Variants in PBX1 observed in about 807,000 individuals in gnomAD.
PBX1 encodes PBX homeobox 1.
In PBX1, 6 loss-of-function variants were observed where a neutral mutation model predicts 53.4. That is an observed-to-expected ratio of 0.11 (90% CI 0.06 to 0.22). The LOEUF (loss-of-function observed/expected upper bound fraction) is 0.22. PBX1 is among the 10% of genes least tolerant of loss of function. The pLI is 1.00. For missense variants in PBX1, 251 were observed against 551.4 expected (o/e 0.46, Z 5.46); for synonymous variants, 204 against 212.3 (o/e 0.96, Z 0.34).
intron 2 of PBX1, among the ~76,000 whole-genome samples, chr1:164,873,574 A>G (rs1048212832): frequency 3.3e-5 from 5 of 152,118 alleles, no homozygotes; most frequent in Admixed American, 6.5e-5. Context: ...GAGCCTTCTT[A>G]TTTAACTTAT....
chr1:164,598,917 T>C (rs952539464), intron 2 of PBX1, among the ~76,000 whole-genome samples: 4 of 152,184 alleles, frequency 2.6e-5, no homozygotes, highest in Non-Finnish European at 5.9e-5. Flanking sequence ...AGAGGCTCAG[T>C]TGCCCCAGGT....
At chr1:164,689,775 T>G (rs752867828) in intron 2 of PBX1, among the ~76,000 whole-genome samples, 2 of 152,142 alleles carry the variant, frequency 1.3e-5, no homozygotes, top group Non-Finnish European at 2.9e-5. Flanking sequence ...TTGGCTCTCT[T>G]TGGTGTTTTC....
rs138361401 is a variant in PBX1, at chr1:164,561,384, T to C, written c.191+1371T>C. On this transcript the variant is annotated intron_variant, in intron 1 of 8. Coordinates refer to ENST00000420696, the MANE Select transcript of PBX1 (RefSeq NM_002585.4). The stretch of plus-strand genomic sequence containing the variant: ...AAAAGTACTAAGGTTTACGGGTGTT[T>C]GAAAACTTGGAAATGTTGAAAGACT... 6.3e-3 allele frequency among the ~76,000 whole-genome samples: 954 copies of C among 152,346 alleles called. 17 individuals are homozygous for C. The highest frequency in any genetic ancestry group is 0.022 in the African/African-American group (905 of 41,582).
intron 2 of PBX1, among the ~76,000 whole-genome samples, chr1:164,677,985 T>C (rs1661535537): frequency 6.6e-6 from 1 of 152,136 alleles, no homozygotes; most frequent in Admixed American, 6.5e-5. Context: ...TTAAAGAAAA[T>C]GTATGGGTAG....
intron 2 of PBX1, among the ~76,000 whole-genome samples, chr1:164,727,102 C>T (rs558528393): frequency 1.3e-5 from 2 of 151,314 alleles, no homozygotes; most frequent in Non-Finnish European, 2.9e-5. Context: ...TATTAAGTTA[C>T]ACACCCCTAG....
intron 2 of PBX1, among the ~76,000 whole-genome samples, chr1:164,792,255 T>C (rs1668551632): frequency 6.6e-6 from 1 of 152,184 alleles, no homozygotes; most frequent in African/African-American, 2.4e-5. Context: ...CTGCCTCTTA[T>C]AAATTTGATT....
chr1:164,569,040 T>G (rs1653642520), intron 2 of PBX1, among the ~76,000 whole-genome samples: 1 of 152,244 alleles, frequency 6.6e-6, no homozygotes, highest in African/African-American at 2.4e-5. Context: ...CAACTGCATC[T>G]TCTACTGAAA....
chr1:164,585,217 T>C (rs1193975760), intron 2 of PBX1, among the ~76,000 whole-genome samples: 1 of 151,694 alleles, frequency 6.6e-6, no homozygotes, highest in Non-Finnish European at 1.5e-5. Context: ...TGGGGAAGAG[T>C]GAAAGAAGAA....
At chr1:164,842,343 C>T (rs1194708232) in intron 8 of PBX1, among the ~76,000 whole-genome samples, 1 of 152,210 alleles carries the variant, frequency 6.6e-6, no homozygotes, top group African/African-American at 2.4e-5. Context: ...CCTCCTCAGA[C>T]AGGCATGTTT....
chr1:164,659,694 A>G (rs1415225380), intron 2 of PBX1, among the ~76,000 whole-genome samples: 1 of 152,164 alleles, frequency 6.6e-6, no homozygotes, highest in Non-Finnish European at 1.5e-5. Context: ...AGCTTAAGCA[A>G]GAGCACTAAG....
intron 2 of PBX1, among the ~76,000 whole-genome samples, chr1:164,869,825 A>C (rs1672306761): frequency 6.6e-6 from 1 of 152,212 alleles, no homozygotes; most frequent in Non-Finnish European, 1.5e-5. Context: ...AAGACCTAAA[A>C]GAGGTGAGGC....
intron 2 of PBX1, among the ~76,000 whole-genome samples, chr1:164,653,238 T>A (rs1433938636): frequency 6.6e-6 from 1 of 152,162 alleles, no homozygotes; most frequent in Non-Finnish European, 1.5e-5. Flanking sequence ...ATCACACTGT[T>A]TCTTGAGATT....
chr1:164,797,862 C>T (rs1401756642), intron 3 of PBX1, among the ~76,000 whole-genome samples: 3 of 152,172 alleles, frequency 2.0e-5, no homozygotes, highest in Non-Finnish European at 4.4e-5. Flanking sequence ...GGCACAGATA[C>T]GTTAAGTAAC....
chr1:164,703,020 A>G (rs1293423225), intron 2 of PBX1: 1 of 152,132 alleles, frequency 6.6e-6, no homozygotes, highest in Non-Finnish European at 1.5e-5. Context: ...TATTAAAAAA[A>G]AAGAGAGAGA....
At chr1:164,573,186 C>T (rs1309609859) in intron 2 of PBX1, among the ~76,000 whole-genome samples, 1 of 151,958 alleles carries the variant, frequency 6.6e-6, no homozygotes, top group African/African-American at 2.4e-5. Flanking sequence ...ATCTAAAAAT[C>T]TTTCAACATG....
chr1:164,821,574 G>A lies in PBX1; in HGVS notation c.1148G>A (p.Gly383Glu). 1 of 1,614,084 alleles carries A rather than the reference G, an allele frequency of 6.2e-7. No homozygotes were observed. Among genetic ancestry groups the A allele is most frequent in the East Asian group, 2.2e-5 (1 of 44,870 alleles). ...CGCCATGTTATCAGCCAGACAGGAG[G>A]ATACAGTGATGGACTCGCAGCCAGT... ...TLRHVISQTG[G>E]YSDGLAASQM... The change falls in exon 8 of 9, where the codon GGA becomes GAA. Residue 383 changes from glycine (G) to glutamate (E), a missense_variant. By Grantham distance (98) the Gly-to-Glu change is moderately conservative. Around this residue, in one of 4 missense-constraint regions of PBX1, gnomAD observed 92 missense variants for 130.4 expected, o/e 0.71. Transcript: ENST00000420696.
At chr1:164,747,449 C>T (rs1278998175) in intron 2 of PBX1, among the ~76,000 whole-genome samples, 1 of 151,994 alleles carries the variant, frequency 6.6e-6, no homozygotes, top group Non-Finnish European at 1.5e-5. Context: ...TATTCTTGGC[C>T]TGTTATGGAT....
intron 2 of PBX1, among the ~76,000 whole-genome samples, chr1:164,586,549 C>T (rs184840460): frequency 7.2e-5 from 11 of 152,314 alleles, no homozygotes; most frequent in Admixed American, 2.0e-4. Context: ...TAGTTACACT[C>T]ATTATCCAGG....
At chr1:164,792,797 A>G in intron 3 of PBX1, 59 bp downstream of exon 3, 2 of 1,316,218 alleles carry the variant, frequency 1.5e-6, no homozygotes, top group Non-Finnish European at 1.1e-6. Context: ...TGGAGGAAGC[A>G]CAACCCCGGG....
Sources: gnomAD v4.1 joint callset for allele counts (sites outside exome capture counted in the v4.1 genomes callset) on GRCh38, gnomAD v4.1.1 for gene constraint, gnomAD v4.1.1 regional missense constraint, MANE v1.5 for transcripts, NCBI Gene and HGNC (gene_info 2026-07-23, HGNC 2026-07-21) for gene names.